LHFPL4: variants seen among roughly 807,000 people sequenced by gnomAD.
LHFPL4 encodes LHFPL tetraspan subfamily member 4 protein.
A neutral mutation model predicts 20.0 loss-of-function variants in LHFPL4; 6 were observed. The observed-to-expected ratio is 0.30, with a 90% CI of 0.16 to 0.59. LHFPL4 has a LOEUF of 0.59. Among genes scored for constraint, LHFPL4 ranks in the 20% least tolerant of loss-of-function variants. LHFPL4 has a pLI of 0.88. For synonymous variants in LHFPL4, 129 were observed against 143.8 expected, an observed-to-expected ratio of 0.90 and a Z score of 0.74; for missense variants, 215 against 331.2, an observed-to-expected ratio of 0.65 and a Z score of 2.72.
intron 2 of LHFPL4, among the ~76,000 whole-genome samples, chr3:9,531,514 A>G (rs1257618877): frequency 3.3e-5 from 5 of 152,178 alleles, no homozygotes; most frequent in Non-Finnish European, 5.9e-5. Flanking sequence ...TTAAGAAATA[A>G]GAAACTCAGC....
intron 2 of LHFPL4, among the ~76,000 whole-genome samples, chr3:9,510,960 A>C (rs1360994246): frequency 6.6e-6 from 1 of 151,314 alleles, no homozygotes; most frequent in Non-Finnish European, 1.5e-5. Context: ...ATAAATAAAT[A>C]AATAAATAAA....
At chr3:9,527,972 T>C (rs182981531) in intron 2 of LHFPL4, among the ~76,000 whole-genome samples, 62 of 152,284 alleles carry the variant, frequency 4.1e-4, no homozygotes, top group African/African-American at 1.3e-3. Flanking sequence ...ATGTTTACAC[T>C]ATATACTAAT....
intron 3 of LHFPL4, among the ~76,000 whole-genome samples, chr3:9,502,815 C>G (rs375895508): frequency 1.5e-4 from 23 of 152,170 alleles, no homozygotes; most frequent in Admixed American, 1.4e-3. Flanking sequence ...CCTCTCTGAG[C>G]CCCGATTTTC....
chr3:9,536,282 C>T (rs199638132), intron 2 of LHFPL4, among the ~76,000 whole-genome samples: 1 of 152,164 alleles, frequency 6.6e-6, no homozygotes. Context: ...AGGGCAGGGG[C>T]TTATCTTACA....
chr3:9,520,169 T>C (rs1414646711), intron 2 of LHFPL4, among the ~76,000 whole-genome samples: 3 of 152,096 alleles, frequency 2.0e-5, no homozygotes, highest in African/African-American at 7.3e-5. Flanking sequence ...TAATTCAAAA[T>C]ATTTGGCTGC....
chr3:9,525,955 C>T (rs1181131931), intron 2 of LHFPL4, among the ~76,000 whole-genome samples: 1 of 152,044 alleles, frequency 6.6e-6, no homozygotes, highest in Admixed American at 6.6e-5. Context: ...ACATATTGAG[C>T]AGGTAGAAAG....
intron 2 of LHFPL4, among the ~76,000 whole-genome samples, chr3:9,536,630 T>G (rs1025843457): frequency 6.6e-6 from 1 of 152,180 alleles, no homozygotes; most frequent in African/African-American, 2.4e-5. Flanking sequence ...CACCATCACC[T>G]GTTCCACATT....
chr3:9,502,824 T>C (rs1027442430), intron 3 of LHFPL4, among the ~76,000 whole-genome samples: 5 of 152,022 alleles, frequency 3.3e-5, no homozygotes, highest in Admixed American at 2.6e-4. Context: ...GCCCCGATTT[T>C]CTCATCTGCA....
At chr3:9,523,905 G>C (rs1285807305) in intron 2 of LHFPL4, among the ~76,000 whole-genome samples, 1 of 150,972 alleles carries the variant, frequency 6.6e-6, no homozygotes, top group Non-Finnish European at 1.5e-5. Context: ...CTCAACTTTT[G>C]TTTGTCTGAG....
At chr3:9,513,801 C>T (rs889945897) in intron 2 of LHFPL4, among the ~76,000 whole-genome samples, 1 of 152,160 alleles carries the variant, frequency 6.6e-6, no homozygotes, top group Non-Finnish European at 1.5e-5. Context: ...CTTGGTGATA[C>T]CTGCTTCTCA....
At chr3:9,527,327 G>C (rs924809733) in intron 2 of LHFPL4, among the ~76,000 whole-genome samples, 7 of 152,110 alleles carry the variant, frequency 4.6e-5, no homozygotes, top group African/African-American at 1.7e-4. Context: ...CCAACACTTT[G>C]GGAGGCCAAG....
At position 9,533,221 on chromosome 3, in the gene LHFPL4, AGC is replaced by A. The variant is rs1305556110; in HGVS notation, c.406+19051_406+19052del. ...AGACCCCTCTTTTCAGGCTGTCCCC[AGC>A]TGAACTGTGTAGATGAGTTCACCAA... On this transcript the variant is annotated intron_variant, in intron 2 of 3. Transcript: ENST00000287585. Among the ~76,000 whole-genome samples, 16 of 152,330 alleles carry A rather than the reference AGC, an allele frequency of 1.1e-4. No homozygotes were observed. The South Asian group carries it at 1.2e-3, about 12-fold the overall frequency.
intron 3 of LHFPL4, among the ~76,000 whole-genome samples, chr3:9,504,730 C>G (rs1446020089): frequency 6.6e-6 from 1 of 150,912 alleles, no homozygotes; most frequent in Non-Finnish European, 1.5e-5. Context: ...GAGGCTGAGG[C>G]AGTAGAATGG....
In LHFPL4 at chr3:9,529,756, C is replaced by T. The variant is rs562875661; in HGVS notation, c.406+22518G>A. On this transcript the variant is annotated intron_variant, in intron 2 of 3. Coordinates refer to ENST00000287585, the MANE Select transcript of LHFPL4 (RefSeq NM_198560.3). The stretch of plus-strand genomic sequence containing the variant: ...TTCAAGCAAGTCTCTGCCTCAGGCT[C>T]CTGACAGCTGGGATTACAGGCGCCT... 4.3e-4 allele frequency among the ~76,000 whole-genome samples: 66 copies of T among 152,058 alleles called. 1 individual carries two copies. In the South Asian group the frequency reaches 8.1e-3, roughly 19 times the overall value.
intron 1 of LHFPL4, among the ~76,000 whole-genome samples, chr3:9,553,057 T>G (rs1574859274): frequency 4.3e-4 from 59 of 136,638 alleles, no homozygotes; most frequent in Admixed American, 7.3e-4. Flanking sequence ...ATTACGGGAG[T>G]AGGAGGGGAC....
intron 2 of LHFPL4, among the ~76,000 whole-genome samples, chr3:9,526,777 T>C (rs1012677495): frequency 3.9e-5 from 6 of 152,122 alleles, no homozygotes; most frequent in African/African-American, 1.4e-4. Context: ...ATTGGAGTGA[T>C]GCTGCTGTAA....
intron 3 of LHFPL4, 111 bp from the exon 4 acceptor site, chr3:9,502,422 C>A: frequency 1.3e-5 from 10 of 797,126 alleles, no homozygotes; most frequent in Non-Finnish European, 1.9e-5. Flanking sequence ...GGCAGAGGGG[C>A]CGGGCGCGGT....
At chr3:9,521,102 T>A (rs901536055) in intron 2 of LHFPL4, among the ~76,000 whole-genome samples, 1 of 152,178 alleles carries the variant, frequency 6.6e-6, no homozygotes, top group Non-Finnish European at 1.5e-5. Flanking sequence ...GGCACGTGCA[T>A]GTTAAGAATC....
intron 2 of LHFPL4, among the ~76,000 whole-genome samples, chr3:9,532,628 C>A (rs2046417062): frequency 6.6e-6 from 1 of 152,236 alleles, no homozygotes; most frequent in African/African-American, 2.4e-5. Flanking sequence ...AGGCACCGCG[C>A]CTGGCCTATG....
Sources: gnomAD v4.1 joint callset for allele counts (sites outside exome capture counted in the v4.1 genomes callset) on GRCh38, gnomAD v4.1.1 for gene constraint, MANE v1.5 for transcripts, NCBI Gene and HGNC (gene_info 2026-07-23, HGNC 2026-07-21) for gene names.